The following SV2C variants were observed in gnomAD, a reference collection of about 807,000 sequenced individuals.
SV2C encodes the protein solute carrier family 22 member B3.
A neutral mutation model predicts 79.7 loss-of-function variants in SV2C; 49 were observed. The ratio of observed to expected loss-of-function variants is 0.61; its 90% CI spans 0.49 to 0.78. The LOEUF (loss-of-function observed/expected upper bound fraction) is 0.78. Among genes scored for constraint, SV2C ranks in the 30% least tolerant of loss-of-function variants. SV2C has a pLI of 0.00. For missense variants in SV2C, 833 were observed against 912.9 expected (o/e 0.91, Z 1.13); for synonymous variants, 334 against 333.2 (o/e 1.00, Z -0.03).
At chr5:76,300,156 A>ATT (rs1747932180) in intron 10 of SV2C, among the ~76,000 whole-genome samples, 1 of 139,686 alleles carries the variant, frequency 7.2e-6, no homozygotes, top group Non-Finnish European at 1.5e-5. Context: ...TCAAATAAAA[A>ATT]ATTATTATTA....
the SV2C span, among the ~76,000 whole-genome samples, chr5:76,043,070 C>T: frequency 6.6e-5 from 10 of 152,134 alleles, no homozygotes; most frequent in African/African-American, 2.2e-4. Flanking sequence ...CTCTGTTAGG[C>T]CAATTGTTTT....
the SV2C span, among the ~76,000 whole-genome samples, chr5:75,952,260 TTCCTTC>T: frequency 3.7e-5 from 4 of 107,330 alleles, no homozygotes; most frequent in South Asian, 1.1e-3. Context: ...CCTTCCTTCC[TTCCTTC>T]CTTCCTTCCT....
At chr5:76,011,658 A>G in the SV2C span, among the ~76,000 whole-genome samples, 1 of 152,088 alleles carries the variant, frequency 6.6e-6, no homozygotes, top group Non-Finnish European at 1.5e-5. Context: ...CATGTGCAGA[A>G]CATGCAGGTT....
At chr5:75,855,382 A>AGT in the SV2C span, among the ~76,000 whole-genome samples, 1 of 152,168 alleles carries the variant, frequency 6.6e-6, no homozygotes, top group Admixed American at 6.5e-5. Flanking sequence ...TGAGTTAACA[A>AGT]ATGAGCTCTA....
At chr5:76,266,294 G>A (rs1490157364) in intron 4 of SV2C, among the ~76,000 whole-genome samples, 5 of 152,044 alleles carry the variant, frequency 3.3e-5, no homozygotes, top group African/African-American at 7.2e-5. Flanking sequence ...TGCAACCTCC[G>A]CCTCCCAGGA....
chr5:75,850,117 T>C, the SV2C span, among the ~76,000 whole-genome samples: 2 of 152,206 alleles, frequency 1.3e-5, no homozygotes, highest in Non-Finnish European at 2.9e-5. Context: ...GTTTTAGGTA[T>C]ATAAGGAATG....
chr5:76,285,732 G>A, intron 5 of SV2C, 49 bp from the exon 6 acceptor site: 1 of 1,509,710 alleles, frequency 6.6e-7, no homozygotes, highest in Non-Finnish European at 9.1e-7. Context: ...AAATCAGGGA[G>A]GGTAAGTGTG....
At chr5:76,230,413 G>A (rs1173701573) in intron 4 of SV2C, among the ~76,000 whole-genome samples, 2 of 152,136 alleles carry the variant, frequency 1.3e-5, no homozygotes, top group African/African-American at 2.4e-5. Context: ...CTGCACCTAA[G>A]GTTGAAAAGA....
At chr5:75,875,289 C>T in the SV2C span, among the ~76,000 whole-genome samples, 1 of 152,046 alleles carries the variant, frequency 6.6e-6, no homozygotes, top group African/African-American at 2.4e-5. Context: ...TATCTATGAC[C>T]ATCTGATCCT....
intron 4 of SV2C, among the ~76,000 whole-genome samples, chr5:76,232,587 G>C (rs1359733074): frequency 6.6e-6 from 1 of 151,388 alleles, no homozygotes; most frequent in Non-Finnish European, 1.5e-5. Flanking sequence ...ATGTGTAAGT[G>C]TTTAATCCAT....
chr5:76,053,483 G>A, the SV2C span, among the ~76,000 whole-genome samples: 12,078 of 152,136 alleles, frequency 0.079, 1,513 homozygotes, highest in African/African-American at 0.27. Flanking sequence ...ACAATTTATG[G>A]TCTGTTTAAG....
intron 4 of SV2C, 140 bp downstream of exon 4, chr5:76,210,027 G>A: frequency 1.9e-6 from 2 of 1,050,678 alleles, no homozygotes; most frequent in Admixed American, 2.8e-5. Flanking sequence ...GTGTCCAGGA[G>A]TTTTTCCCCT....
intron 2 of SV2C, among the ~76,000 whole-genome samples, chr5:76,183,387 C>T (rs1316227281): frequency 6.6e-6 from 1 of 151,856 alleles, no homozygotes; most frequent in Non-Finnish European, 1.5e-5. Flanking sequence ...GATCCAAACA[C>T]CTCCCACCAG....
In SV2C at chr5:76,333,824, T is replaced by C. The variant is rs1749250550; in HGVS notation, c.*8277T>C. ...TGGGATGGCTCGTGTACAGCATAAA[T>C]CTATCAAACTTGGAATTGTGTATAC... On this transcript the variant is annotated 3_prime_UTR_variant, in exon 13 of 13. Transcript: ENST00000502798. 1 of 152,204 alleles carries C rather than the reference T, an allele frequency of 6.6e-6. No individual in the cohort carries two copies. Among genetic ancestry groups the C allele is most frequent in the African/African-American group, 2.4e-5 (1 of 41,448 alleles). 9.4% of individuals were successfully genotyped at this position (152,204 alleles called of 1,614,324 possible). A position where few individuals can be genotyped will look rare whatever the true frequency, so the allele number is the denominator to read the frequency against.
At chr5:75,897,456 T>A in the SV2C span, among the ~76,000 whole-genome samples, 20 of 152,094 alleles carry the variant, frequency 1.3e-4, no homozygotes, top group African/African-American at 4.8e-4. Context: ...TACCATGCTG[T>A]TTTGGTTACT....
At chr5:75,977,751 A>G in the SV2C span, among the ~76,000 whole-genome samples, 2 of 152,178 alleles carry the variant, frequency 1.3e-5, no homozygotes, top group East Asian at 1.9e-4. Flanking sequence ...TAATGGATGT[A>G]CTGCCCTTGG....
At chr5:76,283,755 A>ATGTT (rs1747264556) in intron 4 of SV2C, among the ~76,000 whole-genome samples, 1 of 152,230 alleles carries the variant, frequency 6.6e-6, no homozygotes, top group African/African-American at 2.4e-5. Context: ...CATGTCATTG[A>ATGTT]TGTTTACATC....
intron 6 of SV2C, among the ~76,000 whole-genome samples, chr5:76,289,412 G>A (rs747142309): frequency 2.6e-5 from 4 of 151,986 alleles, no homozygotes; most frequent in African/African-American, 4.8e-5. Context: ...TTCAAAAATG[G>A]CATCTTTGGG....
At position 76,266,202 on chromosome 5, in the gene SV2C, T is replaced by C. The variant is rs566054991; in HGVS notation, c.914-18960T>C. ...TTTGCCCACAGATTGTAGTTTATCCTTTTTTATTTTATTTTATTTTATTGA... is the reference window on the plus strand; with the variant it reads ...TTTGCCCACAGATTGTAGTTTATCCCTTTTTATTTTATTTTATTTTATTGA... On this transcript the variant is annotated intron_variant, in intron 4 of 12. Coordinates refer to ENST00000502798, the MANE Select transcript of SV2C (RefSeq NM_014979.4). 1.6e-4 allele frequency among the ~76,000 whole-genome samples: 24 copies of C among 152,272 alleles called. No homozygotes were observed. The East Asian group carries it at 4.4e-3, about 28-fold the overall frequency.
Sources: allele counts gnomAD v4.1 joint callset (sites outside exome capture counted in the v4.1 genomes callset), GRCh38; gene constraint gnomAD v4.1.1; transcripts MANE v1.5; gene names NCBI Gene and HGNC (gene_info 2026-07-23, HGNC 2026-07-21).